The following SLC44A5 variants were observed in gnomAD, a reference collection of about 807,000 sequenced individuals.
The protein encoded by SLC44A5 is solute carrier family 44 member 5.
Under a neutral mutation model 101.8 loss-of-function variants are expected in SLC44A5, and 57 were observed. The ratio of observed to expected loss-of-function variants is 0.56; its 90% confidence interval spans 0.45 to 0.70. The LOEUF is 0.70. Ranked by LOEUF, SLC44A5 falls within the 30% of genes least tolerant of loss-of-function variation. The pLI is 0.00. For synonymous variants in SLC44A5, 281 were observed against 290.9 expected, an observed-to-expected ratio of 0.97 and a Z score of 0.35; for missense variants, 737 against 853.1, an observed-to-expected ratio of 0.86 and a Z score of 1.70.
At chr1:75,437,946 A>G (rs1485396953) in intron 2 of SLC44A5, among the ~76,000 whole-genome samples, 2 of 152,108 alleles carry the variant, frequency 1.3e-5, no homozygotes, top group African/African-American at 2.4e-5. Context: ...CTTTTGATCT[A>G]TTGTTAGTAC....
chr1:75,537,297 A>G (rs1403926228), intron 2 of SLC44A5, among the ~76,000 whole-genome samples: 1 of 152,200 alleles, frequency 6.6e-6, no homozygotes, highest in East Asian at 1.9e-4. Context: ...TCTCATTATG[A>G]TGGAAGAGAA....
chr1:75,397,961 G>A (rs928364435), intron 2 of SLC44A5, among the ~76,000 whole-genome samples: 2 of 152,082 alleles, frequency 1.3e-5, no homozygotes, highest in African/African-American at 4.8e-5. Flanking sequence ...GGACATACAG[G>A]TTTCACACTT....
intron 4 of SLC44A5, among the ~76,000 whole-genome samples, chr1:75,335,382 A>G (rs1429886837): frequency 6.6e-6 from 1 of 152,192 alleles, no homozygotes; most frequent in Admixed American, 6.5e-5. Flanking sequence ...ACTGATGTTC[A>G]TGTTGCCCTG....
At chr1:75,682,897 A>G in the SLC44A5 span, among the ~76,000 whole-genome samples, 6 of 152,194 alleles carry the variant, frequency 3.9e-5, no homozygotes, top group Non-Finnish European at 8.8e-5. Context: ...ATGAACTCAA[A>G]CAAATTAACA....
chr1:75,430,255 C>G (rs573809586), intron 2 of SLC44A5, among the ~76,000 whole-genome samples: 7 of 152,116 alleles, frequency 4.6e-5, no homozygotes, highest in Non-Finnish European at 8.8e-5. Flanking sequence ...CATGAGGACA[C>G]AGCATTCCTC....
intron 5 of SLC44A5, among the ~76,000 whole-genome samples, chr1:75,284,636 G>A (rs1652890860): frequency 6.6e-6 from 1 of 152,042 alleles, no homozygotes; most frequent in South Asian, 2.1e-4. Flanking sequence ...TATAATGTTG[G>A]CTGTGCGTTT....
chr1:75,452,593 G>C (rs1442530426), intron 2 of SLC44A5, among the ~76,000 whole-genome samples: 1 of 152,012 alleles, frequency 6.6e-6, no homozygotes, highest in East Asian at 1.9e-4. Context: ...TCAGTTAAAA[G>C]GCAAAGAGTG....
intron 6 of SLC44A5, among the ~76,000 whole-genome samples, chr1:75,260,342 C>G (rs1650384240): frequency 6.6e-6 from 1 of 151,998 alleles, no homozygotes; most frequent in Admixed American, 6.6e-5. Context: ...ATTTACTAAG[C>G]AAATGGAAAG....
At chr1:75,262,861 G>T (rs1368939977) in intron 6 of SLC44A5, among the ~76,000 whole-genome samples, 1 of 152,110 alleles carries the variant, frequency 6.6e-6, no homozygotes, top group East Asian at 1.9e-4. Context: ...TGACAAACCT[G>T]ACAAAAACAA....
chr1:75,635,848 C>G, the SLC44A5 span, among the ~76,000 whole-genome samples: 1 of 151,720 alleles, frequency 6.6e-6, no homozygotes, highest in Non-Finnish European at 1.5e-5. Flanking sequence ...TACACTCAGT[C>G]CAAATCTTGA....
At chr1:75,317,086 T>C (rs1174162608) in intron 4 of SLC44A5, among the ~76,000 whole-genome samples, 2 of 152,234 alleles carry the variant, frequency 1.3e-5, no homozygotes, top group Admixed American at 6.5e-5. Context: ...AAACTTCAAG[T>C]GAGCACTTAG....
intron 2 of SLC44A5, among the ~76,000 whole-genome samples, chr1:75,499,238 C>A (rs1668824547): frequency 6.6e-6 from 1 of 152,132 alleles, no homozygotes; most frequent in Non-Finnish European, 1.5e-5. Flanking sequence ...TGGATGGGGG[C>A]CGGAAGGGAG....
chr1:75,483,158 G>C lies in SLC44A5; in HGVS notation c.13+58277C>G, dbSNP rs950616213. Among the ~76,000 whole-genome samples, 74 of 152,176 alleles carry C rather than the reference G, an allele frequency of 4.9e-4. 1 individual carries two copies. The highest frequency in any genetic ancestry group is 1.8e-3 in the African/African-American group (74 of 41,436). ...ATGGCTTGCCACCTCAGGACAAAGG[G>C]AAAACTGCGTTGGCCAAAACTGGCC... On this transcript the variant is annotated intron_variant, in intron 2 of 23. Transcript: ENST00000370859.
At chr1:75,384,531 A>G in intron 3 of SLC44A5, among the ~76,000 whole-genome samples, 1 of 101,470 alleles carries the variant, frequency 9.9e-6, no homozygotes, top group Non-Finnish European at 2.0e-5. Flanking sequence ...TATGCACCCA[A>G]TACAGGAGCA....
At position 75,572,858 on chromosome 1, in the gene SLC44A5, C is replaced by T. The variant is rs1458748547; in HGVS notation, c.-69-31342G>A. Reference sequence around the variant, plus strand: ...GAAAATATGGCCAGGCGCAGTGGCTCACCCATGTAATACCAGCACTTTGGG... The same window carrying T: ...GAAAATATGGCCAGGCGCAGTGGCTTACCCATGTAATACCAGCACTTTGGG... On this transcript the variant is annotated intron_variant, in intron 1 of 23. Coordinates refer to ENST00000370859, the MANE Select transcript of SLC44A5 (RefSeq NM_001130058.2). Among the ~76,000 whole-genome samples the T allele has an allele frequency of 9.2e-5, 14 of 151,964 alleles. 1 individual carries two copies. The highest frequency in any genetic ancestry group is 2.1e-4 in the Non-Finnish European group (14 of 68,004).
At chr1:75,676,539 G>C in the SLC44A5 span, among the ~76,000 whole-genome samples, 1 of 152,136 alleles carries the variant, frequency 6.6e-6, no homozygotes, top group Non-Finnish European at 1.5e-5. Context: ...ACTGGGGCTT[G>C]TTGGGAAAAA....
intron 10 of SLC44A5, among the ~76,000 whole-genome samples, chr1:75,237,977 A>G (rs1441648143): frequency 2.0e-5 from 3 of 152,006 alleles, no homozygotes; most frequent in African/African-American, 7.2e-5. Context: ...TATATTTTCC[A>G]GTAACATGGA....
chr1:75,433,449 A>C (rs1664723250), intron 2 of SLC44A5, among the ~76,000 whole-genome samples: 1 of 152,116 alleles, frequency 6.6e-6, no homozygotes, highest in African/African-American at 2.4e-5. Flanking sequence ...GAATTTTCTT[A>C]TAATATCCTA....
Position 75,385,741 on chromosome 1 carries a change from C to T in SLC44A5, c.52+10842G>A, listed in dbSNP as rs568328283. Among the ~76,000 whole-genome samples, 539 of 152,180 alleles carry T rather than the reference C, an allele frequency of 3.5e-3. 4 individuals carry two copies. The highest frequency in any genetic ancestry group is 0.012 in the African/African-American group (511 of 41,506). On this transcript the variant is annotated intron_variant, in intron 3 of 23. Transcript: ENST00000370859. ...GCATCATTCTGATACCAAAGCCGGG[C>T]AGAGACACCACCAAAAAAGAGAATT...
Sources: allele counts gnomAD v4.1 joint callset (sites outside exome capture counted in the v4.1 genomes callset), GRCh38; gene constraint gnomAD v4.1.1; transcripts MANE v1.5; gene names NCBI Gene and HGNC (gene_info 2026-07-23, HGNC 2026-07-21).